Variants in SCRG1 observed in about 807,000 individuals in gnomAD.
The protein encoded by SCRG1 is stimulator of chondrogenesis 1.
SCRG1 carries 3 observed loss-of-function variants against 7.7 expected under a neutral mutation model. The observed-to-expected ratio is 0.39, with a 90% CI of 0.18 to 1.01. The LOEUF (loss-of-function observed/expected upper bound fraction) is 1.01. Ranked by LOEUF, SCRG1 falls within the 50% of genes least tolerant of loss-of-function variation. The probability of loss-of-function intolerance (pLI) is 0.36; values close to 1 mark genes in which losing one functional copy is unlikely to be tolerated. For synonymous variants in SCRG1, 46 were observed against 41.2 expected (o/e 1.12, Z -0.44); for missense variants, 110 against 117.2 (o/e 0.94, Z 0.28).
intron 1 of SCRG1, among the ~76,000 whole-genome samples, chr4:173,397,303 G>A (rs1739634155): frequency 6.6e-6 from 1 of 151,970 alleles, no homozygotes; most frequent in Non-Finnish European, 1.5e-5. Context: ...AATGATTTTG[G>A]CCAATTTGAA....
the SCRG1 span, among the ~76,000 whole-genome samples, chr4:173,416,721 C>T: frequency 1.3e-5 from 2 of 152,166 alleles, no homozygotes; most frequent in African/African-American, 2.4e-5. Context: ...TCCTGGGGCC[C>T]TCTCCCTTCG....
At chr4:173,516,393 G>A in the SCRG1 span, among the ~76,000 whole-genome samples, 2 of 152,258 alleles carry the variant, frequency 1.3e-5, no homozygotes, top group South Asian at 4.1e-4. Flanking sequence ...ATCTGCAGGC[G>A]GCCGAGAAGA....
the SCRG1 span, among the ~76,000 whole-genome samples, chr4:173,512,689 G>C: frequency 6.6e-6 from 1 of 152,150 alleles, no homozygotes; most frequent in Non-Finnish European, 1.5e-5. Context: ...CCTGGCAAGG[G>C]ACACTATGCA....
the SCRG1 span, among the ~76,000 whole-genome samples, chr4:173,427,440 T>G: frequency 1.3e-5 from 2 of 152,226 alleles, no homozygotes; most frequent in East Asian, 3.8e-4. Flanking sequence ...AGAACCATCA[T>G]GTTTATAAAA....
the SCRG1 span, among the ~76,000 whole-genome samples, chr4:173,433,682 C>T: frequency 6.6e-6 from 1 of 152,216 alleles, no homozygotes; most frequent in African/African-American, 2.4e-5. Context: ...TGGCCTTTCT[C>T]TGGGCAGCAC....
chr4:173,465,546 T>C, the SCRG1 span, among the ~76,000 whole-genome samples: 1 of 152,108 alleles, frequency 6.6e-6, no homozygotes, highest in Admixed American at 6.6e-5. Flanking sequence ...TAATGGGATG[T>C]CCCTCCTGTG....
chr4:173,458,503 T>TA, the SCRG1 span, among the ~76,000 whole-genome samples: 2 of 152,158 alleles, frequency 1.3e-5, no homozygotes, highest in African/African-American at 4.8e-5. Context: ...AGACTGGCCT[T>TA]ACAGGAAATG....
the SCRG1 span, among the ~76,000 whole-genome samples, chr4:173,413,273 C>G: frequency 6.6e-6 from 1 of 152,192 alleles, no homozygotes; most frequent in Non-Finnish European, 1.5e-5. Context: ...GATGGCCCAC[C>G]TAAGGTGAAA....
At chr4:173,468,984 C>T in the SCRG1 span, 3 of 152,136 alleles carry the variant, frequency 2.0e-5, no homozygotes, top group African/African-American at 7.2e-5. Flanking sequence ...ATAGTATGCT[C>T]AAAAGTAGCC....
chr4:173,467,273 T>C, the SCRG1 span, among the ~76,000 whole-genome samples: 1 of 152,166 alleles, frequency 6.6e-6, no homozygotes, highest in Non-Finnish European at 1.5e-5. Flanking sequence ...TAAAGAATCA[T>C]ATCATCTAGC....
chr4:173,448,711 T>G, the SCRG1 span, among the ~76,000 whole-genome samples: 1 of 152,252 alleles, frequency 6.6e-6, no homozygotes, highest in South Asian at 2.1e-4. Context: ...TTTTCTTACT[T>G]AACTCTCTTA....
At chr4:173,420,133 C>G in the SCRG1 span, 1 of 535,782 alleles carries the variant, frequency 1.9e-6, no homozygotes, top group African/African-American at 1.9e-5. Context: ...TTTAACAAAC[C>G]CCATCCTGCA....
chr4:173,432,933 C>A, the SCRG1 span, among the ~76,000 whole-genome samples: 1 of 152,108 alleles, frequency 6.6e-6, no homozygotes, highest in Non-Finnish European at 1.5e-5. Context: ...CATGATTTAT[C>A]TGAGGATTAC....
the SCRG1 span, among the ~76,000 whole-genome samples, chr4:173,475,392 T>C: frequency 2.0e-5 from 3 of 152,222 alleles, no homozygotes; most frequent in African/African-American, 7.2e-5. Context: ...TGGACAGTCC[T>C]ACATACCAAA....
chr4:173,409,010 A>AG (rs796214951), upstream of SCRG1, among the ~76,000 whole-genome samples: 2,106 of 145,634 alleles, frequency 0.014, 27 homozygotes, highest in African/African-American at 0.049. Flanking sequence ...AAAAAAAAAA[A>AG]AAAAGAAAAG....
chr4:173,421,349 A>C, the SCRG1 span, among the ~76,000 whole-genome samples: 2 of 151,746 alleles, frequency 1.3e-5, no homozygotes, highest in East Asian at 2.0e-4. Flanking sequence ...AAATTGTCGA[A>C]TGAGTCAGTG....
chr4:173,443,544 G>A, the SCRG1 span, among the ~76,000 whole-genome samples: 1 of 152,154 alleles, frequency 6.6e-6, no homozygotes, highest in Non-Finnish European at 1.5e-5. Flanking sequence ...TTTTGGGGGA[G>A]AATTTGTATA....
chr4:173,441,424 C>A, the SCRG1 span, among the ~76,000 whole-genome samples: 4 of 152,170 alleles, frequency 2.6e-5, no homozygotes, highest in African/African-American at 9.7e-5. Flanking sequence ...ATCGCATTAA[C>A]ACTTCCTGGT....
the SCRG1 span, among the ~76,000 whole-genome samples, chr4:173,428,327 G>C: frequency 6.6e-5 from 10 of 152,308 alleles, no homozygotes; most frequent in Admixed American, 6.5e-4. Flanking sequence ...AAACAGCATT[G>C]CTGGGGAAAC....
Sources: gnomAD v4.1 joint callset for allele counts (sites outside exome capture counted in the v4.1 genomes callset) on GRCh38, gnomAD v4.1.1 for gene constraint, MANE v1.5 for transcripts, NCBI Gene and HGNC (gene_info 2026-07-23, HGNC 2026-07-21) for gene names.